DLGAP1: variants seen among roughly 807,000 people sequenced by gnomAD.
DLGAP1 encodes the protein disks large-associated protein 1.
In DLGAP1, 11 loss-of-function variants were observed where a neutral mutation model predicts 90.8. The observed-to-expected ratio is 0.12, with a 90% CI of 0.08 to 0.20. The LOEUF (loss-of-function observed/expected upper bound fraction) is 0.20. DLGAP1 is among the 10% of genes least tolerant of loss of function. The pLI, the probability that DLGAP1 is intolerant of heterozygous loss-of-function variation, is 1.00. For missense variants in DLGAP1, 1,050 were observed against 1,333.8 expected, an observed-to-expected ratio of 0.79 and a Z score of 3.31; for synonymous variants, 558 against 540.7, an observed-to-expected ratio of 1.03 and a Z score of -0.44.
chr18:3,603,041 G>A (rs2057150509), intron 7 of DLGAP1: 2 of 152,136 alleles, frequency 1.3e-5, no homozygotes, highest in Middle Eastern at 3.4e-3. Flanking sequence ...GAATGCGGAA[G>A]AACTTGCAGA....
At chr18:4,333,830 A>G (rs1052171213) in intron 1 of DLGAP1, among the ~76,000 whole-genome samples, 2 of 151,042 alleles carry the variant, frequency 1.3e-5, no homozygotes, top group African/African-American at 4.9e-5. Context: ...TCTATCTCCT[A>G]ACCTCGTGAT....
intron 1 of DLGAP1, among the ~76,000 whole-genome samples, chr18:4,319,696 T>C (rs1236227102): frequency 1.3e-5 from 2 of 152,182 alleles, no homozygotes; most frequent in Non-Finnish European, 2.9e-5. Flanking sequence ...GGGACAGTAC[T>C]AAAGTGAGAA....
intron 2 of DLGAP1, among the ~76,000 whole-genome samples, chr18:4,032,550 G>A (rs2074812835): frequency 6.7e-6 from 1 of 150,072 alleles, no homozygotes. Context: ...GGGTCAGGAG[G>A]TAAAGAGGAA....
At chr18:3,996,335 CATTTT>C (rs2074069821) in intron 3 of DLGAP1, among the ~76,000 whole-genome samples, 1 of 152,024 alleles carries the variant, frequency 6.6e-6, no homozygotes, top group South Asian at 2.1e-4. Flanking sequence ...ATTTTCATTT[CATTTT>C]AATTAATTTC....
chr18:3,505,582 G>A (rs905957801), intron 11 of DLGAP1, among the ~76,000 whole-genome samples: 1 of 145,228 alleles, frequency 6.9e-6, no homozygotes, highest in African/African-American at 2.6e-5. Context: ...AGATTGCAAT[G>A]AGCTGAGTTT....
At chr18:4,423,000 T>C (rs1039647211) in intron 1 of DLGAP1, among the ~76,000 whole-genome samples, 1 of 152,168 alleles carries the variant, frequency 6.6e-6, no homozygotes, top group African/African-American at 2.4e-5. Context: ...TGATTAGTGC[T>C]GCTGTCCACA....
At chr18:4,268,349 G>A (rs1390597648) in intron 1 of DLGAP1, among the ~76,000 whole-genome samples, 1 of 152,138 alleles carries the variant, frequency 6.6e-6, no homozygotes, top group Non-Finnish European at 1.5e-5. Flanking sequence ...ATTCTACAGT[G>A]TAGTTAAATA....
chr18:3,940,907 T>A (rs1005912049), intron 3 of DLGAP1, among the ~76,000 whole-genome samples: 5 of 152,168 alleles, frequency 3.3e-5, no homozygotes, highest in African/African-American at 1.2e-4. Context: ...ATTTCCTCAT[T>A]GTTAGTAGGA....
intron 5 of DLGAP1, among the ~76,000 whole-genome samples, chr18:3,792,470 C>CAA (rs11383635): frequency 1.4e-5 from 2 of 146,448 alleles, no homozygotes; most frequent in African/African-American, 2.5e-5. Flanking sequence ...GACTCCATCT[C>CAA]AAAAAAAAAA....
At chr18:3,979,760 C>T (rs6506151) in intron 3 of DLGAP1, among the ~76,000 whole-genome samples, 70,940 of 152,076 alleles carry the variant, frequency 0.47, 17,081 homozygotes, top group African/African-American at 0.57. Context: ...ATTAGCTTGA[C>T]TGAATCCTTC....
intron 1 of DLGAP1, among the ~76,000 whole-genome samples, chr18:4,375,308 G>A (rs1199134181): frequency 6.6e-6 from 1 of 152,088 alleles, no homozygotes; most frequent in Non-Finnish European, 1.5e-5. Flanking sequence ...TGGATTCGTT[G>A]AATTAAATTA....
intron 3 of DLGAP1, among the ~76,000 whole-genome samples, chr18:3,975,455 G>A (rs8098545): frequency 0.38 from 57,686 of 151,870 alleles, 11,225 homozygotes; most frequent in Non-Finnish European, 0.42. Context: ...GAAAGTGAGT[G>A]TTGGCAAAGA....
At chr18:4,016,098 G>T (rs2074519332) in intron 2 of DLGAP1, among the ~76,000 whole-genome samples, 1 of 152,120 alleles carries the variant, frequency 6.6e-6, no homozygotes, top group South Asian at 2.1e-4. Context: ...TACAGTTCAA[G>T]CCTTCCCTTT....
In DLGAP1 at chr18:3,784,603, C is replaced by T. The variant is rs369623332; in HGVS notation, c.1172+29456G>A. Among the ~76,000 whole-genome samples, 11 of 152,128 alleles carry T rather than the reference C, an allele frequency of 7.2e-5. No individual in the cohort carries two copies. The East Asian group carries it at 7.7e-4, about 11-fold the overall frequency. ...TCTGATTAGGCCTCTTGATGACGGC[C>T]GGATCCCTGCCCGGCTCTGCGCCCG... On this transcript the variant is annotated intron_variant, in intron 5 of 12. Coordinates refer to ENST00000315677, the MANE Select transcript of DLGAP1 (RefSeq NM_004746.4).
At chr18:3,942,381 A>G (rs139897571) in intron 3 of DLGAP1, among the ~76,000 whole-genome samples, 1 of 152,356 alleles carries the variant, frequency 6.6e-6, no homozygotes, top group East Asian at 1.9e-4. Context: ...CTGACTGCAC[A>G]GTCGGAGCTT....
intron 2 of DLGAP1, among the ~76,000 whole-genome samples, chr18:4,120,432 G>A (rs1048221735): frequency 1.3e-5 from 2 of 152,148 alleles, no homozygotes; most frequent in African/African-American, 2.4e-5. Context: ...CACATCACTC[G>A]TGGCTTTTCA....
chr18:4,327,369 A>T (rs1045822168), intron 1 of DLGAP1, among the ~76,000 whole-genome samples: 8 of 152,096 alleles, frequency 5.3e-5, no homozygotes, highest in African/African-American at 1.9e-4. Context: ...ATAAAAATTT[A>T]AATTTAAAAG....
At chr18:4,288,936 G>C (rs1479616229) in intron 1 of DLGAP1, among the ~76,000 whole-genome samples, 1 of 152,158 alleles carries the variant, frequency 6.6e-6, no homozygotes, top group Non-Finnish European at 1.5e-5. Context: ...GTTGGATGTA[G>C]AGGCTGGGTA....
At chr18:4,311,963 G>A (rs886404976) in intron 1 of DLGAP1, among the ~76,000 whole-genome samples, 4 of 152,172 alleles carry the variant, frequency 2.6e-5, no homozygotes, top group Non-Finnish European at 4.4e-5. Flanking sequence ...TGATCCGCCA[G>A]CCTTGGCCTC....
Sources: allele counts gnomAD v4.1 joint callset (sites outside exome capture counted in the v4.1 genomes callset), GRCh38; gene constraint gnomAD v4.1.1; transcripts MANE v1.5; gene names NCBI Gene and HGNC (gene_info 2026-07-23, HGNC 2026-07-21).